Variants in MYT1L observed in about 807,000 individuals in gnomAD.
The protein encoded by MYT1L is myelin transcription factor 1 like.
Under a neutral mutation model 126.7 loss-of-function variants are expected in MYT1L, and 12 were observed. The ratio of observed to expected loss-of-function variants is 0.09; its 90% confidence interval spans 0.06 to 0.15. MYT1L has a LOEUF of 0.15. MYT1L is among the 10% of genes least tolerant of loss of function. The pLI, the probability that MYT1L is intolerant of heterozygous loss-of-function variation, is 1.00. For missense variants in MYT1L, 979 were observed against 1,585.2 expected (o/e 0.62, Z 6.49); for synonymous variants, 541 against 604.2 (o/e 0.90, Z 1.53).
At position 1,790,275 on chromosome 2, in the gene MYT1L, T is replaced by C. The variant is rs1306254830; in HGVS notation, c.*1592A>G. 2 of 152,170 alleles carry C rather than the reference T, an allele frequency of 1.3e-5. No homozygotes were observed. The highest frequency in any genetic ancestry group is 4.8e-5 in the African/African-American group (2 of 41,442). The allele number at this position is 152,170 out of a possible 1,614,324, so 9.4% of individuals were successfully genotyped here. A position where few individuals can be genotyped will look rare whatever the true frequency, so the allele number is the denominator to read the frequency against. ...TTTATTTCATAACAAAAATTTAAAG[T>C]ACGTCTGTACTTCCTGCATAACATC... On this transcript the variant is annotated 3_prime_UTR_variant, in exon 25 of 25. Transcript: ENST00000647738.
intron 10 of MYT1L, among the ~76,000 whole-genome samples, chr2:1,919,772 A>G (rs1182310440): frequency 3.3e-5 from 5 of 152,132 alleles, no homozygotes; most frequent in Non-Finnish European, 7.3e-5. Context: ...TCTGTCCCCC[A>G]GGCTGGAGTT....
intron 4 of MYT1L, among the ~76,000 whole-genome samples, chr2:2,031,636 C>T (rs1369884034): frequency 6.9e-6 from 1 of 145,260 alleles, no homozygotes; most frequent in Non-Finnish European, 1.5e-5. Flanking sequence ...GAAGGAGGGC[C>T]TTACACACAC....
intron 1 of MYT1L, among the ~76,000 whole-genome samples, chr2:2,296,829 C>T (rs1222335696): frequency 6.6e-6 from 1 of 152,218 alleles, no homozygotes; most frequent in East Asian, 1.9e-4. Flanking sequence ...TCTTTGTGGG[C>T]AGGTCATCAC....
intron 18 of MYT1L, among the ~76,000 whole-genome samples, chr2:1,883,313 C>T (rs2047796840): frequency 1.3e-5 from 2 of 152,184 alleles, no homozygotes; most frequent in Admixed American, 1.3e-4. Context: ...ATACCTACAC[C>T]ATGCCCATGT....
intron 19 of MYT1L, among the ~76,000 whole-genome samples, chr2:1,845,135 C>T (rs2042327724): frequency 6.6e-6 from 1 of 152,118 alleles, no homozygotes; most frequent in Non-Finnish European, 1.5e-5. Flanking sequence ...TGCACTACTA[C>T]ACCTGGATAA....
intron 2 of MYT1L, among the ~76,000 whole-genome samples, chr2:2,221,301 G>A (rs1035137308): frequency 4.6e-5 from 7 of 152,098 alleles, no homozygotes; most frequent in African/African-American, 9.7e-5. Context: ...ACTGGGAACC[G>A]CTGGCATGGA....
At position 1,979,104 on chromosome 2, in the gene MYT1L, C is replaced by T. The variant is rs935933783; in HGVS notation, c.152+61G>A. 20 of 1,381,228 alleles carry T rather than the reference C, an allele frequency of 1.4e-5. No homozygotes were observed. Among genetic ancestry groups the T allele is most frequent in the African/African-American group, 1.1e-4 (8 of 69,812 alleles). 85.6% of individuals were successfully genotyped at this position (1,381,228 alleles called of 1,614,324 possible). On this transcript the variant is annotated intron_variant, in intron 8 of 24. Coordinates refer to ENST00000647738, the MANE Select transcript of MYT1L (RefSeq NM_001303052.2). The surrounding 1 kb of genome is among the most constrained non-coding windows in gnomAD (Gnocchi z 4.0). ...CTGCTCACACAGTTCATCATCAGGA[C>T]TGGGTCCCCAAATAAGTCACTTTAG...
At chr2:2,198,315 A>C (rs1165362209) in intron 2 of MYT1L, among the ~76,000 whole-genome samples, 1 of 152,172 alleles carries the variant, frequency 6.6e-6, no homozygotes, top group African/African-American at 2.4e-5. Flanking sequence ...ACCAAGTTAC[A>C]GTTAGGCAAG....
At chr2:2,145,922 G>A (rs2084808808) in intron 3 of MYT1L, among the ~76,000 whole-genome samples, 1 of 152,152 alleles carries the variant, frequency 6.6e-6, no homozygotes, top group Admixed American at 6.5e-5. Flanking sequence ...ATGTTCAGAG[G>A]ACTTCTATCC....
At chr2:1,920,913 C>G (rs907958554) in intron 10 of MYT1L, among the ~76,000 whole-genome samples, 2 of 152,218 alleles carry the variant, frequency 1.3e-5, no homozygotes, top group Non-Finnish European at 2.9e-5. Context: ...CTTCACCTTG[C>G]GACTGAAACG....
chr2:1,918,204 T>C (rs930220065), intron 10 of MYT1L, among the ~76,000 whole-genome samples: 1 of 152,206 alleles, frequency 6.6e-6, no homozygotes, highest in Non-Finnish European at 1.5e-5. Context: ...AATGTAATGA[T>C]ATTGCTAATA....
chr2:2,110,437 T>C (rs2079282468), intron 3 of MYT1L, among the ~76,000 whole-genome samples: 1 of 151,992 alleles, frequency 6.6e-6, no homozygotes, highest in African/African-American at 2.4e-5. Flanking sequence ...TTAGCTTCTG[T>C]TTTTACCACT....
rs548062470 is a variant in MYT1L at position 2,194,617 on chromosome 2, A to C, written c.-420-21629T>G. Among the ~76,000 whole-genome samples, 4 of 152,232 alleles carry C rather than the reference A, an allele frequency of 2.6e-5. No individual in the cohort carries two copies. In the South Asian group the frequency reaches 8.3e-4, roughly 32 times the overall value. On this transcript the variant is annotated intron_variant, in intron 2 of 24. Coordinates refer to ENST00000647738, the MANE Select transcript of MYT1L (RefSeq NM_001303052.2). ...TTGTCCTGCTCCTTTTTTCAGAAGCAGTAGAGTGTCTGTCACTCCAGGAAA... is the reference window on the plus strand; with the variant it reads ...TTGTCCTGCTCCTTTTTTCAGAAGCCGTAGAGTGTCTGTCACTCCAGGAAA...
intron 1 of MYT1L, among the ~76,000 whole-genome samples, chr2:2,296,455 A>G (rs963690329): frequency 1.5e-4 from 23 of 152,356 alleles, no homozygotes; most frequent in African/African-American, 5.3e-4. Flanking sequence ...TAAAAAATAT[A>G]AACAAAAGCT....
intron 13 of MYT1L, among the ~76,000 whole-genome samples, chr2:1,906,574 A>G (rs1412832392): frequency 6.6e-6 from 1 of 152,150 alleles, no homozygotes; most frequent in African/African-American, 2.4e-5. Flanking sequence ...TATATATCCA[A>G]TTATATATAT....
chr2:2,175,216 C>T (rs1289268954), intron 2 of MYT1L, among the ~76,000 whole-genome samples: 1 of 152,104 alleles, frequency 6.6e-6, no homozygotes, highest in Non-Finnish European at 1.5e-5. Flanking sequence ...AGGGCGGTGC[C>T]CACCACCCCT....
intron 21 of MYT1L, among the ~76,000 whole-genome samples, chr2:1,826,547 C>T (rs978830233): frequency 8.6e-5 from 13 of 151,944 alleles, no homozygotes; most frequent in African/African-American, 3.1e-4. Flanking sequence ...ATTCACAGTT[C>T]GAGACAGATG....
intron 21 of MYT1L, among the ~76,000 whole-genome samples, chr2:1,822,269 AAGAGG>A (rs1198859478): frequency 2.0e-5 from 3 of 152,162 alleles, no homozygotes; most frequent in Non-Finnish European, 4.4e-5. Context: ...GTGGGTTTAT[AAGAGG>A]AGAGTGGGTC....
chr2:1,902,029 G>C lies in MYT1L; in HGVS notation c.2032+1051C>G, dbSNP rs550649198. Among the ~76,000 whole-genome samples the C allele has an allele frequency of 2.1e-4, 32 of 152,322 alleles. No homozygotes were observed. In the South Asian group the frequency reaches 5.2e-3, roughly 25 times the overall value. On this transcript the variant is annotated intron_variant, in intron 14 of 24. Coordinates refer to ENST00000647738, the MANE Select transcript of MYT1L (RefSeq NM_001303052.2). ...AACTATTTCCTTCCCCTGTGCTAGA[G>C]AGCATCATGATAAGACTTCTAAATC... is the stretch of plus-strand genomic sequence containing the variant.
Sources: allele counts gnomAD v4.1 joint callset (sites outside exome capture counted in the v4.1 genomes callset), GRCh38; gene constraint gnomAD v4.1.1; non-coding constraint Gnocchi (gnomAD v3.1); transcripts MANE v1.5; gene names NCBI Gene and HGNC (gene_info 2026-07-23, HGNC 2026-07-21).